The following ZNF782 variants were observed in gnomAD, a reference collection of about 807,000 sequenced individuals.
ZNF782 encodes the protein zinc finger protein 782.
Under a neutral mutation model 13.0 loss-of-function variants are expected in ZNF782, and 12 were observed. That is an observed-to-expected ratio of 0.92 (90% CI 0.59 to 1.50). The LOEUF (loss-of-function observed/expected upper bound fraction) is 1.50. Among genes scored for constraint, ZNF782 ranks in the 40% most tolerant of loss-of-function variants. The probability of loss-of-function intolerance (pLI) is 0.00; values close to 1 mark genes in which losing one functional copy is unlikely to be tolerated. For synonymous variants in ZNF782, 284 were observed against 283.0 expected, an observed-to-expected ratio of 1.00 and a Z score of -0.04; for missense variants, 770 against 822.9, an observed-to-expected ratio of 0.94 and a Z score of 0.79.
chr9:96,914,565 G>GC, the ZNF782 span, among the ~76,000 whole-genome samples: 1 of 142,878 alleles, frequency 7.0e-6, no homozygotes, highest in Admixed American at 7.1e-5. Flanking sequence ...GGTGCTATAC[G>GC]CAACTGTGGT....
the ZNF782 span, chr9:96,931,922 C>A: frequency 6.2e-7 from 1 of 1,612,000 alleles, no homozygotes; most frequent in African/African-American, 1.3e-5. Context: ...TGGCCGCGGC[C>A]CAAGTGGGGC....
chr9:96,835,241 T>C (rs940704525), intron 4 of ZNF782, among the ~76,000 whole-genome samples: 2 of 152,148 alleles, frequency 1.3e-5, no homozygotes, highest in African/African-American at 4.8e-5. Flanking sequence ...GCTGGAGTTA[T>C]ACTAGCAAAG....
intron 1 of ZNF782, among the ~76,000 whole-genome samples, chr9:96,873,603 T>C (rs1444436125): frequency 6.6e-6 from 1 of 152,188 alleles, no homozygotes; most frequent in African/African-American, 2.4e-5. Context: ...GGGAGGCTGA[T>C]TCATGAAAGT....
chr9:96,854,031 C>T (rs977191932), intron 1 of ZNF782, 57 bp downstream of exon 1: 2 of 152,270 alleles, frequency 1.3e-5, no homozygotes, highest in Non-Finnish European at 2.9e-5. Context: ...AGAAACCTGA[C>T]TCTCATCCAC....
chr9:96,902,623 C>CT, the ZNF782 span, among the ~76,000 whole-genome samples: 10 of 135,044 alleles, frequency 7.4e-5, no homozygotes, highest in Non-Finnish European at 1.4e-4. Context: ...CTCACTATAA[C>CT]TTTTTTCTTT....
intron 1 of ZNF782, among the ~76,000 whole-genome samples, chr9:96,870,417 C>T (rs1851810290): frequency 6.6e-6 from 1 of 152,136 alleles, no homozygotes; most frequent in Non-Finnish European, 1.5e-5. Flanking sequence ...TCAAAAAAGA[C>T]AGGAAAATAT....
At chr9:96,909,899 T>C in the ZNF782 span, among the ~76,000 whole-genome samples, 1 of 151,262 alleles carries the variant, frequency 6.6e-6, no homozygotes, top group South Asian at 2.1e-4. Context: ...TTTTAGGCCT[T>C]AATAGTTTCA....
chr9:96,919,119 C>CA, the ZNF782 span: 1,179 of 166,926 alleles, frequency 7.1e-3, 18 homozygotes, highest in African/African-American at 0.027. Flanking sequence ...AAAAATTTTC[C>CA]AAAAAATCAA....
upstream of ZNF782, among the ~76,000 whole-genome samples, chr9:96,880,522 C>T (rs1423831805): frequency 2.0e-5 from 3 of 152,116 alleles, no homozygotes; most frequent in South Asian, 2.1e-4. Flanking sequence ...ATGCTTTTGC[C>T]GCATCAACTG....
upstream of ZNF782, among the ~76,000 whole-genome samples, chr9:96,877,318 G>A (rs1018541800): frequency 6.6e-5 from 10 of 152,330 alleles, no homozygotes; most frequent in Middle Eastern, 3.4e-3. Context: ...CGCGGGCGAA[G>A]GAACACCCCC....
rs764008134 is a variant in ZNF782, at chr9:96,844,960, G to A, written c.72C>T (p.His24=). Residue 24 remains histidine (H), a synonymous_variant, in exon 4 of 6, where the codon CAC becomes CAT. Transcript: ENST00000481138. ...TVEFSQEEWQ[H]MGPVERTLYR... is the part of the protein sequence containing the mutation. ...ACAGGGTCCTCTCAACAGGGCCCAT[G>A]TGCTGCCACTCCTCCTGGCTGAATT... is the stretch of plus-strand genomic sequence containing the variant. The A allele has an allele frequency of 1.4e-5, 22 of 1,613,878 alleles. No individual in the cohort carries two copies. Among genetic ancestry groups the A allele is most frequent in the African/African-American group, 2.7e-5 (2 of 74,906 alleles).
chr9:96,912,421 G>A, the ZNF782 span, among the ~76,000 whole-genome samples: 5 of 149,996 alleles, frequency 3.3e-5, no homozygotes, highest in African/African-American at 1.2e-4. Flanking sequence ...AGCTACTCGG[G>A]AGGCGGACAT....
chr9:96,847,239 C>T (rs926573688), intron 3 of ZNF782, among the ~76,000 whole-genome samples: 6 of 152,080 alleles, frequency 3.9e-5, no homozygotes, highest in South Asian at 2.1e-4. Context: ...TGAAAGAGCA[C>T]AAATTGACAA....
chr9:96,819,310 G>C lies in ZNF782; in HGVS notation c.713C>G (p.Pro238Arg), dbSNP rs1850319746. 2 of 1,611,812 alleles carry C rather than the reference G, an allele frequency of 1.2e-6. No homozygotes were observed. Among genetic ancestry groups the C allele is most frequent in the Non-Finnish European group, 1.7e-6 (2 of 1,179,376 alleles). The change falls in exon 6 of 6, where the codon CCA becomes CGA. Residue 238 changes from proline (P) to arginine (R), a missense_variant. Transcript: ENST00000481138. ...ATTGAAATTGTAAGATTTTCCTTTTGGGTGGGTACTGTTAGATGTAACAAG... is the reference window on the plus strand; with the variant it reads ...ATTGAAATTGTAAGATTTTCCTTTTCGGTGGGTACTGTTAGATGTAACAAG... ...AALVTSNSTHPKGKSYNFNKF... is the reference protein window; with the variant it reads ...AALVTSNSTHRKGKSYNFNKF...
At chr9:96,870,538 T>C (rs771691239) in intron 1 of ZNF782, among the ~76,000 whole-genome samples, 17 of 152,182 alleles carry the variant, frequency 1.1e-4, no homozygotes, top group Non-Finnish European at 1.3e-4. Context: ...AATGGGACCT[T>C]GTCAATGCAA....
chr9:96,888,291 T>C, the ZNF782 span: 1 of 152,124 alleles, frequency 6.6e-6, no homozygotes, highest in Admixed American at 6.6e-5. Flanking sequence ...AAAGAATTAC[T>C]GGAGCAAAGA....
At chr9:96,830,587 C>T (rs1320574689) in intron 4 of ZNF782, among the ~76,000 whole-genome samples, 2 of 152,138 alleles carry the variant, frequency 1.3e-5, no homozygotes, top group Non-Finnish European at 2.9e-5. Flanking sequence ...GCAGCACCCC[C>T]CAACCTCCCC....
Position 96,817,883 on chromosome 9 carries a change from T to A in ZNF782, c.*40A>T, listed in dbSNP as rs577849946. On this transcript the variant is annotated 3_prime_UTR_variant, in exon 6 of 6. Coordinates refer to ENST00000481138, the MANE Select transcript of ZNF782 (RefSeq NM_001001662.3). ...CATTTATGTATTGTGAGGTTTGATT[T>A]CCAGCTCAGAGTTTTTTCGTATTCT... The A allele has an allele frequency of 2.0e-6, 3 of 1,507,160 alleles. No individual in the cohort carries two copies. The highest frequency in any genetic ancestry group is 2.8e-5 in the South Asian group (2 of 72,608). 93.4% of individuals were successfully genotyped at this position (1,507,160 alleles called of 1,614,324 possible). A position where few individuals can be genotyped will look rare whatever the true frequency, so the allele number is the denominator to read the frequency against.
the ZNF782 span, among the ~76,000 whole-genome samples, chr9:96,881,880 G>C: frequency 2.8e-4 from 42 of 151,872 alleles, no homozygotes; most frequent in Admixed American, 2.6e-3. Flanking sequence ...ATTTCATAAA[G>C]TTGTTTTGGT....
Sources: gnomAD v4.1 joint callset for allele counts (sites outside exome capture counted in the v4.1 genomes callset) on GRCh38, gnomAD v4.1.1 for gene constraint, MANE v1.5 for transcripts, NCBI Gene and HGNC (gene_info 2026-07-23, HGNC 2026-07-21) for gene names.